The following NAV3 variants were observed in gnomAD, a reference collection of about 807,000 sequenced individuals.
The protein encoded by NAV3 is neuron navigator 3.
Under a neutral mutation model 244.7 loss-of-function variants are expected in NAV3, and 87 were observed. That is an observed-to-expected ratio of 0.36 (90% CI 0.30 to 0.42). NAV3 has a LOEUF of 0.42. NAV3 is among the 20% of genes least tolerant of loss of function. NAV3 has a pLI of 1.00. For synonymous variants in NAV3, 1,126 were observed against 1,042.2 expected (o/e 1.08, Z -1.55); for missense variants, 2,663 against 2,893.3 (o/e 0.92, Z 1.83).
chr12:78,037,266 A>C (rs1880062567), intron 9 of NAV3: 1 of 702,898 alleles, frequency 1.4e-6, no homozygotes. Flanking sequence ...CAGCATCAGC[A>C]GAAGCTGGGC....
intron 2 of NAV3, among the ~76,000 whole-genome samples, chr12:77,739,289 C>T (rs1565793194): frequency 6.6e-6 from 1 of 152,034 alleles, no homozygotes; most frequent in African/African-American, 2.4e-5. Flanking sequence ...TAAACTGCAA[C>T]ATTAGTTTGA....
Position 77,904,453 on chromosome 12 carries a change from A to T in NAV3, c.244-35866A>T, listed in dbSNP as rs1391455394. On this transcript the variant is annotated intron_variant, in intron 1 of 39. Coordinates refer to ENST00000397909, the MANE Select transcript of NAV3 (RefSeq NM_001024383.2). ...GTTGGGAATTGAACAATGAGAACACATGGACACAGGAAGGGGAACATCACA... is the reference window on the plus strand; with the variant it reads ...GTTGGGAATTGAACAATGAGAACACTTGGACACAGGAAGGGGAACATCACA... 2.0e-5 allele frequency among the ~76,000 whole-genome samples: 3 copies of T among 152,230 alleles called. No homozygotes were observed. The South Asian group carries it at 6.2e-4, about 32-fold the overall frequency.
chr12:78,103,613 GAAA>G (rs987111946), intron 12 of NAV3, among the ~76,000 whole-genome samples: 1 of 152,064 alleles, frequency 6.6e-6, no homozygotes, highest in South Asian at 2.1e-4. Context: ...AGACTGGAAA[GAAA>G]AAAAGGTTTA....
rs1190293374 is a variant in NAV3 at position 78,119,682 on chromosome 12, T to C, written c.3486T>C (p.Ile1162=). ...GCCACAGATCCAGTACCAGCAGTAT[T>C]GATTCCAACGTCAGCAGCAAGTCTG... ...RGGHRSSTSS[I]DSNVSSKSAG... Residue 1162 remains isoleucine, a synonymous_variant, in exon 15 of 40, where the codon ATT becomes ATC. Coordinates refer to ENST00000397909, the MANE Select transcript of NAV3 (RefSeq NM_001024383.2). 1 of 1,614,174 alleles carries C rather than the reference T, an allele frequency of 6.2e-7. No homozygotes were observed. Among genetic ancestry groups the C allele is most frequent in the Non-Finnish European group, 8.5e-7 (1 of 1,180,042 alleles).
intron 2 of NAV3, among the ~76,000 whole-genome samples, chr12:77,818,695 T>G (rs1324035516): frequency 2.6e-5 from 4 of 152,012 alleles, no homozygotes. Flanking sequence ...ATTAGAAAAG[T>G]GTTTAGAGGG....
chr12:77,731,898 G>A (rs1877141537), intron 2 of NAV3, among the ~76,000 whole-genome samples: 1 of 151,942 alleles, frequency 6.6e-6, no homozygotes, highest in East Asian at 1.9e-4. Flanking sequence ...GTTACCAGGG[G>A]CAGAGGAAAG....
intron 2 of NAV3, among the ~76,000 whole-genome samples, chr12:77,727,088 G>A (rs1397380813): frequency 2.6e-5 from 4 of 152,044 alleles, no homozygotes; most frequent in African/African-American, 9.6e-5. Context: ...CCATATTGAG[G>A]AATATCCACA....
chr12:78,161,458 G>C (rs1478774370), intron 23 of NAV3, among the ~76,000 whole-genome samples: 2 of 151,922 alleles, frequency 1.3e-5, no homozygotes, highest in Non-Finnish European at 2.9e-5. Context: ...CTTGAACTCT[G>C]TTATATCTGT....
intron 2 of NAV3, among the ~76,000 whole-genome samples, chr12:77,655,791 G>A (rs1873070686): frequency 6.6e-6 from 1 of 151,984 alleles, no homozygotes; most frequent in Admixed American, 6.6e-5. Context: ...GAAGAGAGTG[G>A]GGGCCAATAT....
chr12:77,756,027 C>T (rs1869158003), intron 2 of NAV3, among the ~76,000 whole-genome samples: 1 of 152,164 alleles, frequency 6.6e-6, no homozygotes, highest in African/African-American at 2.4e-5. Flanking sequence ...TTTGAATCCT[C>T]ACACTTCACT....
chr12:77,608,524 A>T (rs1870770256), intron 2 of NAV3, among the ~76,000 whole-genome samples: 1 of 152,140 alleles, frequency 6.6e-6, no homozygotes, highest in African/African-American at 2.4e-5. Flanking sequence ...CCATAACAAG[A>T]TGCTAATAAG....
chr12:77,843,681 G>C (rs1876112682), intron 1 of NAV3, among the ~76,000 whole-genome samples: 1 of 151,828 alleles, frequency 6.6e-6, no homozygotes, highest in Non-Finnish European at 1.5e-5. Context: ...AGCTTTTACT[G>C]TAGGTCTGGA....
Position 77,730,357 on chromosome 12 carries a change from A to C in NAV3, c.72+158091A>C, listed in dbSNP as rs113073145. ...ATTTAAAAAGACATTTAGTGAACAAAAAGATTTTTAGAAATGAAAACACGT... is the reference window on the plus strand; with the variant it reads ...ATTTAAAAAGACATTTAGTGAACAACAAGATTTTTAGAAATGAAAACACGT... On this transcript the variant is annotated intron_variant, in intron 2 of 8. Coordinates refer to the NAV3 transcript ENST00000550042. Among the ~76,000 whole-genome samples the C allele has an allele frequency of 2.2e-3, 339 of 152,056 alleles. 1 individual carries two copies. Among genetic ancestry groups the C allele is most frequent in the African/African-American group, 8.0e-3 (333 of 41,544 alleles).
chr12:78,005,382 G>C (rs1467825599), intron 7 of NAV3, among the ~76,000 whole-genome samples: 2 of 152,186 alleles, frequency 1.3e-5, no homozygotes, highest in African/African-American at 4.8e-5. Flanking sequence ...ACTGTGTTAA[G>C]AAACAGCCCT....
At chr12:78,014,662 A>G (rs1373352435) in intron 8 of NAV3, among the ~76,000 whole-genome samples, 1 of 152,124 alleles carries the variant, frequency 6.6e-6, no homozygotes, top group East Asian at 1.9e-4. Context: ...GGAGAATGCA[A>G]AACATTAGTT....
intron 2 of NAV3, among the ~76,000 whole-genome samples, chr12:77,769,304 C>T (rs1869949088): frequency 6.6e-6 from 1 of 152,154 alleles, no homozygotes; most frequent in Non-Finnish European, 1.5e-5. Context: ...TGACTTCCAA[C>T]CTTTCAAATA....
intron 6 of NAV3, among the ~76,000 whole-genome samples, chr12:77,995,806 G>C (rs1872263710): frequency 6.6e-6 from 1 of 152,086 alleles, no homozygotes; most frequent in South Asian, 2.1e-4. Flanking sequence ...AAATTATGAT[G>C]GGTAAGGAAC....
chr12:77,689,981 T>C (rs1565773356), intron 2 of NAV3, among the ~76,000 whole-genome samples: 1 of 151,958 alleles, frequency 6.6e-6, no homozygotes, highest in East Asian at 1.9e-4. Flanking sequence ...AAGGAGTTTT[T>C]TCCATTTTTC....
intron 2 of NAV3, among the ~76,000 whole-genome samples, chr12:77,750,750 CTGTTAGCATTA>C (rs1396491606): frequency 6.6e-6 from 1 of 152,010 alleles, no homozygotes; most frequent in African/African-American, 2.4e-5. Context: ...GCAAGTCATG[CTGTTAGCATTA>C]AAAAGGGAAA....
Sources: gnomAD v4.1 joint callset for allele counts (sites outside exome capture counted in the v4.1 genomes callset) on GRCh38, gnomAD v4.1.1 for gene constraint, MANE v1.5 for transcripts, NCBI Gene and HGNC (gene_info 2026-07-23, HGNC 2026-07-21) for gene names.